Variants in AKAP6 observed in about 807,000 individuals in gnomAD.
The protein encoded by AKAP6 is A-kinase anchor protein 6.
Under a neutral mutation model 188.5 loss-of-function variants are expected in AKAP6, and 58 were observed. The observed-to-expected ratio is 0.31, with a 90% CI of 0.25 to 0.38. The LOEUF (loss-of-function observed/expected upper bound fraction) is 0.38. Ranked by LOEUF, AKAP6 falls within the 10% of genes least tolerant of loss-of-function variation. The probability of loss-of-function intolerance (pLI) is 1.00; values close to 1 mark genes in which losing one functional copy is unlikely to be tolerated. For synonymous variants in AKAP6, 989 were observed against 998.6 expected, an observed-to-expected ratio of 0.99 and a Z score of 0.18; for missense variants, 2,710 against 2,740.0, an observed-to-expected ratio of 0.99 and a Z score of 0.24.
intron 7 of AKAP6, among the ~76,000 whole-genome samples, chr14:32,677,285 T>A (rs551613289): frequency 6.6e-5 from 10 of 152,128 alleles, no homozygotes; most frequent in Non-Finnish European, 1.5e-4. Context: ...ATACTAAGAG[T>A]AGAAGGTCAC....
intron 9 of AKAP6, among the ~76,000 whole-genome samples, chr14:32,702,903 G>T (rs1180446199): frequency 2.0e-5 from 3 of 150,748 alleles, no homozygotes; most frequent in Non-Finnish European, 4.4e-5. Flanking sequence ...ATGTGACCAC[G>T]CTTAATCACA....
At chr14:32,570,414 T>C (rs1884425786) in intron 4 of AKAP6, among the ~76,000 whole-genome samples, 1 of 152,012 alleles carries the variant, frequency 6.6e-6, no homozygotes, top group African/African-American at 2.4e-5. Flanking sequence ...AGTACTGGGA[T>C]TACAGGTGTG....
At chr14:32,355,028 G>A (rs576869482) in intron 1 of AKAP6, among the ~76,000 whole-genome samples, 23 of 152,132 alleles carry the variant, frequency 1.5e-4, no homozygotes, top group Non-Finnish European at 3.1e-4. Context: ...TTTCCTGCTT[G>A]CTACCCTAGT....
chr14:32,823,303 T>C lies in AKAP6; in HGVS notation c.5490T>C (p.Asp1830=), dbSNP rs2034582207. The C allele has an allele frequency of 6.2e-7, 1 of 1,613,814 alleles. No homozygotes were observed. The highest frequency in any genetic ancestry group is 1.3e-5 in the African/African-American group (1 of 74,988). ...GTGATGAGATGAAGGGCAGTAAAGA[T>C]ATAAGTAGCAGTGAGATGACCAATC... The part of the protein sequence containing the change: ...NVSDEMKGSK[D]ISSSEMTNPS... The change falls in exon 13 of 14, where the codon GAT becomes GAC. Residue 1830 remains aspartate (D), a synonymous_variant. Transcript: ENST00000280979.
At chr14:32,701,353 G>C (rs368835445) in intron 9 of AKAP6, among the ~76,000 whole-genome samples, 11 of 152,082 alleles carry the variant, frequency 7.2e-5, no homozygotes, top group African/African-American at 2.4e-4. Context: ...TGAGTTTCCT[G>C]GTAGTGAAAG....
chr14:32,409,025 C>A (rs1406164970), intron 1 of AKAP6, among the ~76,000 whole-genome samples: 1 of 152,072 alleles, frequency 6.6e-6, no homozygotes, highest in African/African-American at 2.4e-5. Context: ...CATGGTGAAA[C>A]CCTGTCTCTA....
At chr14:32,670,011 C>T (rs899427370) in intron 7 of AKAP6, among the ~76,000 whole-genome samples, 3 of 151,490 alleles carry the variant, frequency 2.0e-5, no homozygotes, top group East Asian at 1.9e-4. Context: ...GCAGGAGAAT[C>T]GCTTGATCCC....
At chr14:32,345,156 T>C (rs1403168538) in intron 1 of AKAP6, among the ~76,000 whole-genome samples, 1 of 152,214 alleles carries the variant, frequency 6.6e-6, no homozygotes, top group African/African-American at 2.4e-5. Flanking sequence ...TTAAAATTCA[T>C]AGTTAAAACA....
intron 1 of AKAP6, among the ~76,000 whole-genome samples, chr14:32,367,457 G>A (rs1169702296): frequency 6.6e-6 from 1 of 152,132 alleles, no homozygotes; most frequent in Non-Finnish European, 1.5e-5. Context: ...TATTTATTTT[G>A]TAAAAGATCA....
chr14:32,341,982 A>G (rs537818265), intron 1 of AKAP6, among the ~76,000 whole-genome samples: 1 of 152,300 alleles, frequency 6.6e-6, no homozygotes, highest in South Asian at 2.1e-4. Flanking sequence ...ACTGCACTCT[A>G]TCCTGGGTGA....
chr14:32,491,963 T>C (rs549179847), intron 2 of AKAP6, among the ~76,000 whole-genome samples: 5 of 152,292 alleles, frequency 3.3e-5, no homozygotes, highest in African/African-American at 4.8e-5. Flanking sequence ...TTAAGATACA[T>C]GCAACCTGTG....
intron 4 of AKAP6, among the ~76,000 whole-genome samples, chr14:32,566,520 G>C (rs1237849952): frequency 6.6e-6 from 1 of 152,082 alleles, no homozygotes; most frequent in East Asian, 1.9e-4. Flanking sequence ...CCCTTTAAGA[G>C]AAGAATCTGG....
chr14:32,441,194 A>G (rs1890565746), intron 2 of AKAP6, among the ~76,000 whole-genome samples: 1 of 152,132 alleles, frequency 6.6e-6, no homozygotes, highest in South Asian at 2.1e-4. Context: ...CTGACTGTAC[A>G]TTTTCCTTAG....
In AKAP6 at chr14:32,469,195, A is replaced by G. The variant is rs548271190; in HGVS notation, c.324+35378A>G. Among the ~76,000 whole-genome samples, 29 of 152,306 alleles carry G rather than the reference A, an allele frequency of 1.9e-4. 1 individual carries two copies. The South Asian group carries it at 5.8e-3, about 30-fold the overall frequency. On this transcript the variant is annotated intron_variant, in intron 2 of 13. Coordinates refer to ENST00000280979, the MANE Select transcript of AKAP6 (RefSeq NM_004274.5). ...TAGGCATTGCCTGGTAAAGTTCATC[A>G]ACTTGCTTTGAAGAAGTCCTGTGAA... is the stretch of plus-strand genomic sequence containing the variant.
At chr14:32,548,794 T>C (rs1883322339) in intron 4 of AKAP6, among the ~76,000 whole-genome samples, 1 of 152,202 alleles carries the variant, frequency 6.6e-6, no homozygotes, top group African/African-American at 2.4e-5. Flanking sequence ...TAGTTTCTCC[T>C]TCGCCGGGAA....
At chr14:32,398,593 A>G (rs1888955488) in intron 1 of AKAP6, among the ~76,000 whole-genome samples, 1 of 152,108 alleles carries the variant, frequency 6.6e-6, no homozygotes, top group South Asian at 2.1e-4. Flanking sequence ...CCATGGTTCC[A>G]GGCTTCTCCT....
In AKAP6 at chr14:32,762,110, G is replaced by A. The variant is rs532742488; in HGVS notation, c.3373-11568G>A. ...TTTTGTAGTATAATGGCTAAGTCGT[G>A]TTTATATCCAGCACCTTTTTCCCCC... On this transcript the variant is annotated intron_variant, in intron 11 of 13. Transcript: ENST00000280979. 8.5e-5 allele frequency among the ~76,000 whole-genome samples: 13 copies of A among 152,238 alleles called. No individual in the cohort carries two copies. In the South Asian group the frequency reaches 2.5e-3, roughly 29 times the overall value.
chr14:32,560,487 G>A (rs973512690), intron 4 of AKAP6, among the ~76,000 whole-genome samples: 82 of 151,964 alleles, frequency 5.4e-4, no homozygotes, highest in Non-Finnish European at 1.8e-4. Context: ...CACTGCATAT[G>A]GCTGTTGGCC....
intron 1 of AKAP6, among the ~76,000 whole-genome samples, chr14:32,409,736 AC>A (rs746535740): frequency 6.6e-6 from 1 of 152,220 alleles, no homozygotes; most frequent in African/African-American, 2.4e-5. Flanking sequence ...AAACTTGTAA[AC>A]AATGTGAAAG....
Sources: gnomAD v4.1 joint callset for allele counts (sites outside exome capture counted in the v4.1 genomes callset) on GRCh38, gnomAD v4.1.1 for gene constraint, MANE v1.5 for transcripts, NCBI Gene and HGNC (gene_info 2026-07-23, HGNC 2026-07-21) for gene names.